The following CEP126 variants were observed in gnomAD, a reference collection of about 807,000 sequenced individuals.
The protein encoded by CEP126 is centrosomal protein 126, also known as centrosomal protein of 126 kDa.
A neutral mutation model predicts 107.8 loss-of-function variants in CEP126; 74 were observed. The observed-to-expected ratio is 0.69, with a 90% confidence interval of 0.57 to 0.83. CEP126 has a LOEUF of 0.83. Ranked by LOEUF, CEP126 falls within the 40% of genes least tolerant of loss-of-function variation. The probability of loss-of-function intolerance (pLI) is 0.00; values close to 1 mark genes in which losing one functional copy is unlikely to be tolerated. For synonymous variants in CEP126, 449 were observed against 446.0 expected (o/e 1.01, Z -0.08); for missense variants, 1,237 against 1,281.9 (o/e 0.96, Z 0.53).
rs751504503 is a variant in CEP126 at position 101,963,849 on chromosome 11, T to C, written c.2814T>C (p.Pro938=). The C allele has an allele frequency of 8.1e-6, 13 of 1,610,600 alleles. No homozygotes were observed. Among genetic ancestry groups the C allele is most frequent in the Non-Finnish European group, 1.1e-5 (13 of 1,178,682 alleles). ...EESVPLWKRG[P]NVLHQNKRAT... Reference sequence around the variant, plus strand: ...CAGTTCCCTTATGGAAAAGAGGTCCTAATGTCCTGCATCAAAATAAGAGGG... The same window carrying C: ...CAGTTCCCTTATGGAAAAGAGGTCCCAATGTCCTGCATCAAAATAAGAGGG... Residue 938 remains proline (P), a synonymous_variant, in exon 6 of 11, where the codon CCT becomes CCC. Coordinates refer to ENST00000263468, the MANE Select transcript of CEP126 (RefSeq NM_020802.4).
intron 4 of CEP126, among the ~76,000 whole-genome samples, chr11:101,957,366 A>T (rs983811532): frequency 2.6e-5 from 4 of 152,194 alleles, no homozygotes; most frequent in Admixed American, 1.3e-4. Flanking sequence ...TGGTAGTCTC[A>T]TCCCCATCCT....
chr11:101,931,297 A>G (rs961919032), intron 2 of CEP126, among the ~76,000 whole-genome samples: 1 of 152,102 alleles, frequency 6.6e-6, no homozygotes, highest in African/African-American at 2.4e-5. Flanking sequence ...ATTGAGGGTA[A>G]TTTTCAACAT....
At position 101,962,400 on chromosome 11, in the gene CEP126, A is replaced by G. The variant is rs142708839; in HGVS notation, c.1365A>G (p.Ser455=). The G allele has an allele frequency of 8.6e-5, 138 of 1,613,972 alleles. No individual in the cohort carries two copies. In the Admixed American group the frequency reaches 2.2e-3, roughly 26 times the overall value. The stretch of plus-strand genomic sequence containing the variant: ...ATGGAACTACTTCAATTCCTACTTC[A>G]TGTGTACCAGTGGCAACGCCTTTAG... ...QENGTTSIPT[S]CVPVATPLVL... Residue 455 remains serine (S), a synonymous_variant, in exon 6 of 11, where the codon TCA becomes TCG. Transcript: ENST00000263468.
intron 2 of CEP126, among the ~76,000 whole-genome samples, chr11:101,938,783 C>G (rs1194788155): frequency 6.6e-6 from 1 of 152,006 alleles, no homozygotes; most frequent in African/African-American, 2.4e-5. Context: ...TTATATCATT[C>G]AAAAATTTTT....
chr11:101,951,673 GA>G (rs1360091469), intron 4 of CEP126, among the ~76,000 whole-genome samples: 1 of 150,956 alleles, frequency 6.6e-6, no homozygotes, highest in Non-Finnish European at 1.5e-5. Context: ...CAAAGGAAAT[GA>G]AAAAAAGCAA....
At chr11:101,925,236 A>T (rs1481892665) in intron 2 of CEP126, among the ~76,000 whole-genome samples, 1 of 152,090 alleles carries the variant, frequency 6.6e-6, no homozygotes. Context: ...TCCTCAAGTT[A>T]CTTTCTAATA....
At chr11:101,944,218 T>C (rs1452910884) in intron 2 of CEP126, 47 bp from the exon 3 acceptor site, 1 of 1,466,966 alleles carries the variant, frequency 6.8e-7, no homozygotes, top group African/African-American at 1.5e-5. Flanking sequence ...AACTATTTTC[T>C]AAACTTACCA....
rs537442221 is a variant in CEP126 at position 101,981,801 on chromosome 11, A to G, written c.2959-88A>G. ...AACAATTGTAGCTAAAAATATATAC[A>G]GCAATTAAAAGTTTTTTAAAAGTTC... On this transcript the variant is annotated intron_variant, in intron 7 of 10. Coordinates refer to ENST00000263468, the MANE Select transcript of CEP126 (RefSeq NM_020802.4). The G allele has an allele frequency of 3.9e-4, 273 of 697,398 alleles. 2 individuals are homozygous for G. In the African/African-American group the frequency reaches 4.5e-3, roughly 12 times the overall value. The allele number at this position is 697,398 out of a possible 1,614,324, so 43.2% of individuals were successfully genotyped here.
chr11:101,918,664 A>G (rs189488500), intron 1 of CEP126, among the ~76,000 whole-genome samples: 1 of 152,298 alleles, frequency 6.6e-6, no homozygotes, highest in East Asian at 1.9e-4. Flanking sequence ...TTTTGTCCTC[A>G]TATCTACCCC....
At chr11:101,982,951 C>G (rs946509212) in intron 8 of CEP126, among the ~76,000 whole-genome samples, 1 of 152,156 alleles carries the variant, frequency 6.6e-6, no homozygotes, top group African/African-American at 2.4e-5. Context: ...ATCCTCTCAG[C>G]CCTCTTCAGC....
chr11:101,985,108 A>G (rs1941301235), intron 8 of CEP126, among the ~76,000 whole-genome samples: 1 of 151,406 alleles, frequency 6.6e-6, no homozygotes, highest in Non-Finnish European at 1.5e-5. Context: ...GGAGTCAGGA[A>G]TAACAGTGAT....
intron 6 of CEP126, among the ~76,000 whole-genome samples, chr11:101,964,230 G>A (rs573540449): frequency 1.8e-4 from 27 of 151,310 alleles, no homozygotes; most frequent in Middle Eastern, 7.0e-3. Flanking sequence ...TTGAACCTGG[G>A]AGGTAGAGGT....
intron 1 of CEP126, among the ~76,000 whole-genome samples, chr11:101,921,549 A>G (rs1384222294): frequency 1.3e-5 from 2 of 151,662 alleles, no homozygotes; most frequent in African/African-American, 2.4e-5. Flanking sequence ...TCTACTGACA[A>G]TACAAAAATT....
At chr11:101,934,747 AATTT>A (rs1247182749) in intron 2 of CEP126, among the ~76,000 whole-genome samples, 1 of 152,086 alleles carries the variant, frequency 6.6e-6, no homozygotes, top group Non-Finnish European at 1.5e-5. Flanking sequence ...AATATATCAT[AATTT>A]ATTTAGCCAT....
At chr11:101,929,695 A>T (rs755721237) in intron 2 of CEP126, among the ~76,000 whole-genome samples, 3 of 152,194 alleles carry the variant, frequency 2.0e-5, no homozygotes, top group Non-Finnish European at 4.4e-5. Context: ...TACCAGGATG[A>T]GGAGAAGACC....
At chr11:101,930,526 G>C (rs763865394) in intron 2 of CEP126, among the ~76,000 whole-genome samples, 21 of 152,172 alleles carry the variant, frequency 1.4e-4, no homozygotes, top group South Asian at 4.1e-4. Context: ...CCAGCAGCAA[G>C]ATTTATTATG....
intron 2 of CEP126, among the ~76,000 whole-genome samples, chr11:101,935,906 A>G (rs1332474199): frequency 6.6e-6 from 1 of 152,090 alleles, no homozygotes; most frequent in Non-Finnish European, 1.5e-5. Flanking sequence ...ACATTGTCAA[A>G]GATCCACTTG....
intron 9 of CEP126, among the ~76,000 whole-genome samples, chr11:101,988,673 T>C (rs1203756821): frequency 6.6e-6 from 1 of 152,068 alleles, no homozygotes; most frequent in East Asian, 1.9e-4. Context: ...AACTTTCAAA[T>C]TTAATACCTT....
chr11:101,960,798 A>G (rs1940959664), intron 5 of CEP126, among the ~76,000 whole-genome samples: 1 of 152,092 alleles, frequency 6.6e-6, no homozygotes, highest in South Asian at 2.1e-4. Flanking sequence ...TCTAAAATGT[A>G]TGATAAATCT....
Sources: gnomAD v4.1 joint callset for allele counts (sites outside exome capture counted in the v4.1 genomes callset) on GRCh38, gnomAD v4.1.1 for gene constraint, MANE v1.5 for transcripts, NCBI Gene and HGNC (gene_info 2026-07-23, HGNC 2026-07-21) for gene names.